The following GP1BB variants were observed in gnomAD, a reference collection of about 807,000 sequenced individuals.
GP1BB encodes glycoprotein Ib platelet subunit beta.
A neutral mutation model predicts 2.5 loss-of-function variants in GP1BB; 3 were observed. The observed-to-expected ratio is 1.22, with a 90% CI of 0.56 to 3.15. The LOEUF (loss-of-function observed/expected upper bound fraction) is 3.15. Ranked by LOEUF, GP1BB falls within the 30% of genes most tolerant of loss-of-function variation. The probability of loss-of-function intolerance (pLI) is 0.03; values close to 1 mark genes in which losing one functional copy is unlikely to be tolerated. For missense variants in GP1BB, 316 were observed against 307.0 expected (o/e 1.03, Z -0.22); for synonymous variants, 191 against 167.5 (o/e 1.14, Z -1.08).
chr22:19,724,049 C>T lies in GP1BB; in HGVS notation c.206C>T (p.Ala69Val). The change falls in exon 2 of 2, where the codon GCG (alanine) becomes GTG (valine). Residue 69 changes from alanine to valine, a missense_variant. By Grantham distance (64) the Ala-to-Val change is moderately conservative (BLOSUM62 0). Transcript: ENST00000366425. ...GTGCTGACCGGCAACAACCTGACGGCGCTGCCGCCGGGGCTGCTGGACGCG... is the reference window on the plus strand; with the variant it reads ...GTGCTGACCGGCAACAACCTGACGGTGCTGCCGCCGGGGCTGCTGGACGCG... Reference protein sequence around the residue: ...ELVLTGNNLTALPPGLLDALP... With the variant: ...ELVLTGNNLTVLPPGLLDALP... 1 of 1,514,382 alleles carries T rather than the reference C, an allele frequency of 6.6e-7. No individual in the cohort carries two copies. The highest frequency in any genetic ancestry group is 8.8e-7 in the Non-Finnish European group (1 of 1,137,352). The allele number at this position is 1,514,382 out of a possible 1,614,324, so 93.8% of individuals were successfully genotyped here.
At position 19,724,235 on chromosome 22, in the gene GP1BB, A is replaced by G. The variant is rs966245173; in HGVS notation, c.392A>G (p.Tyr131Cys). 4 of 1,234,928 alleles carry G rather than the reference A, an allele frequency of 3.2e-6. No homozygotes were observed. Among genetic ancestry groups the G allele is most frequent in the Admixed American group, 4.4e-5 (1 of 22,646 alleles). 76.5% of individuals were successfully genotyped at this position (1,234,928 alleles called of 1,614,324 possible). A position where few individuals can be genotyped will look rare whatever the true frequency, so the allele number is the denominator to read the frequency against. The change falls in exon 2 of 2, where the codon TAT (tyrosine) becomes TGT (cysteine). Residue 131 changes from tyrosine to cysteine, a missense_variant. Physicochemically the swap from Tyr to Cys is radical, Grantham distance 194. Transcript: ENST00000366425. Reference sequence around the variant, plus strand: ...GCGCTGCGCGGCCGCCTGCTGCCCTATCTGGCCGAGGACGAGCTGCGCGCC... The same window carrying G: ...GCGCTGCGCGGCCGCCTGCTGCCCTGTCTGGCCGAGGACGAGCTGCGCGCC... ...PPALRGRLLP[Y>C]LAEDELRAAC...
chr22:19,724,243 G>T lies in GP1BB; in HGVS notation c.400G>T (p.Glu134Ter). The change falls in exon 2 of 2, where the codon GAG becomes TAG. Residue 134 changes from glutamate to a stop codon, truncating the protein, a stop_gained. Transcript: ENST00000366425. LOFTEE classifies it low-confidence loss of function (END_TRUNC). ...CGGCCGCCTGCTGCCCTATCTGGCCGAGGACGAGCTGCGCGCCGCTTGCGC... is the reference window on the plus strand; with the variant it reads ...CGGCCGCCTGCTGCCCTATCTGGCCTAGGACGAGCTGCGCGCCGCTTGCGC... Reference protein sequence around the residue: ...LRGRLLPYLAEDELRAACAPG... With the variant: ...LRGRLLPYLA 1 of 1,240,862 alleles carries T rather than the reference G, an allele frequency of 8.1e-7. No individual in the cohort carries two copies. The allele number at this position is 1,240,862 out of a possible 1,614,324, so 76.9% of individuals were successfully genotyped here.
chr22:19,723,574 G>T lies in GP1BB; in HGVS notation c.5G>T (p.Gly2Val). ...CCGGGCTGCCGTCTTCTCGCCATGGGCTCCGGTGAGTCTGGAGTCCGGTCG... is the reference window on the plus strand; with the variant it reads ...CCGGGCTGCCGTCTTCTCGCCATGGTCTCCGGTGAGTCTGGAGTCCGGTCG... The part of the protein sequence containing the change: M[G>V]SGPRGALSLL... The change falls in exon 1 of 2, where the codon GGC (glycine) becomes GTC (valine). Residue 2 changes from glycine (G) to valine (V), a missense_variant. Coordinates refer to ENST00000366425, the MANE Select transcript of GP1BB (RefSeq NM_000407.5). 6.3e-7 allele frequency: 1 copy of T among 1,597,384 alleles called. No homozygotes were observed. Among genetic ancestry groups the T allele is most frequent in the African/African-American group, 1.3e-5 (1 of 74,932 alleles).
rs373634347 is a variant in GP1BB, at chr22:19,723,558, C to T, written c.-12C>T. On this transcript the variant is annotated 5_prime_UTR_variant, in exon 1 of 2. Transcript: ENST00000366425. ...CCCGCTGCAGAGTAAGCCGGGCTGC[C>T]GTCTTCTCGCCATGGGCTCCGGTGA... 43 of 1,593,728 alleles carry T rather than the reference C, an allele frequency of 2.7e-5. No homozygotes were observed. The highest frequency in any genetic ancestry group is 2.3e-5 in the East Asian group (1 of 44,346).
Position 19,724,683 on chromosome 22 carries a change from G to A in GP1BB, c.*219G>A, listed in dbSNP as rs937231633. On this transcript the variant is annotated 3_prime_UTR_variant, in exon 2 of 2. Coordinates refer to ENST00000366425, the MANE Select transcript of GP1BB (RefSeq NM_000407.5). Reference sequence around the variant, plus strand: ...GAGGGAGGCGAACCCGCACTTCCAGGCTTGGGAGGACCATGGGGCACAATG... The same window carrying A: ...GAGGGAGGCGAACCCGCACTTCCAGACTTGGGAGGACCATGGGGCACAATG... 3.4e-6 allele frequency: 2 copies of A among 590,056 alleles called. No individual in the cohort carries two copies. Among genetic ancestry groups the A allele is most frequent in the East Asian group, 5.8e-5 (2 of 34,382 alleles). 36.6% of individuals were successfully genotyped at this position (590,056 alleles called of 1,614,324 possible). A position where few individuals can be genotyped will look rare whatever the true frequency, so the allele number is the denominator to read the frequency against.
rs1601248909 is a variant in GP1BB at position 19,724,272 on chromosome 22, C to G, written c.429C>G (p.Pro143=). 5.5e-6 allele frequency: 7 copies of G among 1,268,176 alleles called. No homozygotes were observed. Among genetic ancestry groups the G allele is most frequent in the African/African-American group, 1.6e-5 (1 of 63,692 alleles). 78.6% of individuals were successfully genotyped at this position (1,268,176 alleles called of 1,614,324 possible). ...AEDELRAACA[P]GPLCWGALAA... is the part of the protein sequence containing the mutation. ...ACGAGCTGCGCGCCGCTTGCGCTCCCGGCCCGCTCTGCTGGGGGGCGCTGG... is the reference window on the plus strand; with the variant it reads ...ACGAGCTGCGCGCCGCTTGCGCTCCGGGCCCGCTCTGCTGGGGGGCGCTGG... Residue 143 remains proline (P), a synonymous_variant, in exon 2 of 2, where the codon CCC becomes CCG. Transcript: ENST00000366425.
chr22:19,724,556 C>A lies in GP1BB; in HGVS notation c.*92C>A, dbSNP rs1484087703. On this transcript the variant is annotated 3_prime_UTR_variant, in exon 2 of 2. Transcript: ENST00000366425. ...GACCCTGCCCGAGGGGCCCTCGCGC[C>A]AACCTGGACCGGTCCCCGCCTCCTC... is the stretch of plus-strand genomic sequence containing the variant. 5.5e-6 allele frequency: 5 copies of A among 905,732 alleles called. No homozygotes were observed. Among genetic ancestry groups the A allele is most frequent in the Non-Finnish European group, 8.8e-6 (5 of 565,332 alleles). The allele number at this position is 905,732 out of a possible 1,614,324, so 56.1% of individuals were successfully genotyped here.
In GP1BB at chr22:19,724,470, G is replaced by A. The variant is rs759017927; in HGVS notation, c.*6G>A. On this transcript the variant is annotated 3_prime_UTR_variant, in exon 2 of 2. Transcript: ENST00000366425. ...CCGGAACCGACGAGTCCTGAGGAGAGAACCGGTGCGTCCTGAGGAGAGAAC... is the reference window on the plus strand; with the variant it reads ...CCGGAACCGACGAGTCCTGAGGAGAAAACCGGTGCGTCCTGAGGAGAGAAC... 3.9e-6 allele frequency: 6 copies of A among 1,525,302 alleles called. 1 individual carries two copies. The South Asian group carries it at 4.8e-5, about 12-fold the overall frequency. 94.5% of individuals were successfully genotyped at this position (1,525,302 alleles called of 1,614,324 possible).
Position 19,724,253 on chromosome 22 carries a change from T to C in GP1BB, c.410T>C (p.Leu137Pro), listed in dbSNP as rs1601248889. The C allele has an allele frequency of 8.8e-6, 11 of 1,245,280 alleles. No homozygotes were observed. The highest frequency in any genetic ancestry group is 1.1e-5 in the Non-Finnish European group (11 of 998,796). The allele number at this position is 1,245,280 out of a possible 1,614,324, so 77.1% of individuals were successfully genotyped here. A position where few individuals can be genotyped will look rare whatever the true frequency, so the allele number is the denominator to read the frequency against. ...CTGCCCTATCTGGCCGAGGACGAGC[T>C]GCGCGCCGCTTGCGCTCCCGGCCCG... ...RLLPYLAEDE[L>P]RAACAPGPLC... The change falls in exon 2 of 2, where the codon CTG (leucine) becomes CCG (proline). Residue 137 changes from leucine (L) to proline (P), a missense_variant. By Grantham distance (98) the Leu-to-Pro change is moderately conservative. Transcript: ENST00000366425.
At position 19,724,616 on chromosome 22, in the gene GP1BB, G is replaced by T. The variant is rs1342700040; in HGVS notation, c.*152G>T. ...ATCTCTCAGACCCACCCCACCTGCAGGCCCAGACCACGTGGGACAGAACTC... is the reference window on the plus strand; with the variant it reads ...ATCTCTCAGACCCACCCCACCTGCATGCCCAGACCACGTGGGACAGAACTC... On this transcript the variant is annotated 3_prime_UTR_variant, in exon 2 of 2. Transcript: ENST00000366425. 3.0e-6 allele frequency: 2 copies of T among 673,186 alleles called. No homozygotes were observed. Among genetic ancestry groups the T allele is most frequent in the Admixed American group, 2.1e-5 (1 of 46,856 alleles). 41.7% of individuals were successfully genotyped at this position (673,186 alleles called of 1,614,324 possible). A position where few individuals can be genotyped will look rare whatever the true frequency, so the allele number is the denominator to read the frequency against.
chr22:19,724,560 C>G lies in GP1BB; in HGVS notation c.*96C>G. 2 of 878,466 alleles carry G rather than the reference C, an allele frequency of 2.3e-6. No homozygotes were observed. The highest frequency in any genetic ancestry group is 2.0e-5 in the Admixed American group (1 of 49,622). 54.4% of individuals were successfully genotyped at this position (878,466 alleles called of 1,614,324 possible). ...CTGCCCGAGGGGCCCTCGCGCCAAC[C>G]TGGACCGGTCCCCGCCTCCTCCGCT... On this transcript the variant is annotated 3_prime_UTR_variant, in exon 2 of 2. Coordinates refer to ENST00000366425, the MANE Select transcript of GP1BB (RefSeq NM_000407.5).
At chr22:19,723,810 G>C in intron 1 of GP1BB, 44 bp from the exon 2 acceptor site, 1 of 1,496,954 alleles carries the variant, frequency 6.7e-7, no homozygotes, top group African/African-American at 1.4e-5. Context: ...ATGTCGCCCA[G>C]GTGCCCGCCG....
rs1356221594 is a variant in GP1BB at position 19,723,584 on chromosome 22, G to C, written c.10+5G>C. On this transcript the variant is annotated splice_donor_5th_base_variant and intron_variant, in intron 1 of 1. Coordinates refer to ENST00000366425, the MANE Select transcript of GP1BB (RefSeq NM_000407.5). ...GTCTTCTCGCCATGGGCTCCGGTGAGTCTGGAGTCCGGTCGGGCCCCCGGC... is the reference window on the plus strand; with the variant it reads ...GTCTTCTCGCCATGGGCTCCGGTGACTCTGGAGTCCGGTCGGGCCCCCGGC... The C allele has an allele frequency of 8.1e-6, 13 of 1,597,728 alleles. No individual in the cohort carries two copies. Among genetic ancestry groups the C allele is most frequent in the Non-Finnish European group, 1.1e-5 (13 of 1,176,892 alleles).
At position 19,724,237 on chromosome 22, in the gene GP1BB, C is replaced by A; in HGVS notation, c.394C>A (p.Leu132Met). ...GCTGCGCGGCCGCCTGCTGCCCTAT[C>A]TGGCCGAGGACGAGCTGCGCGCCGC... Reference protein sequence around the residue: ...PALRGRLLPYLAEDELRAACA... With the variant: ...PALRGRLLPYMAEDELRAACA... Residue 132 changes from leucine (L) to methionine (M), a missense_variant, in exon 2 of 2, where the codon CTG (leucine) becomes ATG (methionine). Physicochemically the swap from Leu to Met is conservative, Grantham distance 15. Coordinates refer to ENST00000366425, the MANE Select transcript of GP1BB (RefSeq NM_000407.5). The A allele has an allele frequency of 8.1e-7, 1 of 1,236,024 alleles. No individual in the cohort carries two copies. Among genetic ancestry groups the A allele is most frequent in the Non-Finnish European group, 1.0e-6 (1 of 993,656 alleles). The allele number at this position is 1,236,024 out of a possible 1,614,324, so 76.6% of individuals were successfully genotyped here. A position where few individuals can be genotyped will look rare whatever the true frequency, so the allele number is the denominator to read the frequency against.
Position 19,724,385 on chromosome 22 carries a change from G to C in GP1BB, c.542G>C (p.Arg181Pro), listed in dbSNP as rs1352683688. 2 of 1,528,770 alleles carry C rather than the reference G, an allele frequency of 1.3e-6. No homozygotes were observed. The highest frequency in any genetic ancestry group is 2.0e-5 in the Admixed American group (1 of 49,244). 94.7% of individuals were successfully genotyped at this position (1,528,770 alleles called of 1,614,324 possible). The change falls in exon 2 of 2, where the codon CGG becomes CCG. Residue 181 changes from arginine (R) to proline (P), a missense_variant. Coordinates refer to ENST00000366425, the MANE Select transcript of GP1BB (RefSeq NM_000407.5). ...TGCCGCCTGCGGAGGCTGCGGGCCC[G>C]GGCCCGCGCTCGCGCCGCAGCCCGG... ...LLCRLRRLRA[R>P]ARARAAARLS...
At position 19,724,012 on chromosome 22, in the gene GP1BB, A is replaced by G; in HGVS notation, c.169A>G (p.Thr57Ala). 6.5e-7 allele frequency: 1 copy of G among 1,537,228 alleles called. No homozygotes were observed. The change falls in exon 2 of 2, where the codon ACA (threonine) becomes GCA (alanine). Residue 57 changes from threonine (T) to alanine (A), a missense_variant. Transcript: ENST00000366425. Reference sequence around the variant, plus strand: ...GCTGCCGACCGCCTTCCCTGTCGACACAACCGAGCTGGTGCTGACCGGCAA... The same window carrying G: ...GCTGCCGACCGCCTTCCCTGTCGACGCAACCGAGCTGGTGCTGACCGGCAA... The part of the protein sequence containing the change: ...ASLPTAFPVD[T>A]TELVLTGNNL...
rs1936113531 is a variant in GP1BB, at chr22:19,724,031, C to G, written c.188C>G (p.Thr63Ser). 2.6e-6 allele frequency: 4 copies of G among 1,526,576 alleles called. No homozygotes were observed. In the East Asian group the frequency reaches 1.0e-4, roughly 39 times the overall value. The allele number at this position is 1,526,576 out of a possible 1,614,324, so 94.6% of individuals were successfully genotyped here. A position where few individuals can be genotyped will look rare whatever the true frequency, so the allele number is the denominator to read the frequency against. ...GTCGACACAACCGAGCTGGTGCTGA[C>G]CGGCAACAACCTGACGGCGCTGCCG... Reference protein sequence around the residue: ...FPVDTTELVLTGNNLTALPPG... With the variant: ...FPVDTTELVLSGNNLTALPPG... The change falls in exon 2 of 2, where the codon ACC (threonine) becomes AGC (serine). Residue 63 changes from threonine to serine, a missense_variant. Coordinates refer to ENST00000366425, the MANE Select transcript of GP1BB (RefSeq NM_000407.5).
chr22:19,724,690 AGGACCATGG>A lies in GP1BB; in HGVS notation c.*229_*237del. The A allele has an allele frequency of 1.7e-6, 1 of 587,164 alleles. No individual in the cohort carries two copies. The highest frequency in any genetic ancestry group is 1.9e-5 in the African/African-American group (1 of 53,440). 36.4% of individuals were successfully genotyped at this position (587,164 alleles called of 1,614,324 possible). ...GCGAACCCGCACTTCCAGGCTTGGG[AGGACCATGG>A]GGCACAATGCGGTCCAGACCCTGCT... is the stretch of plus-strand genomic sequence containing the variant. On this transcript the variant is annotated 3_prime_UTR_variant, in exon 2 of 2. Transcript: ENST00000366425.
At position 19,723,993 on chromosome 22, in the gene GP1BB, G is replaced by A; in HGVS notation, c.150G>A (p.Pro50=). 5 of 1,535,338 alleles carry A rather than the reference G, an allele frequency of 3.3e-6. No individual in the cohort carries two copies. The highest frequency in any genetic ancestry group is 1.2e-5 in the South Asian group (1 of 83,438). The change falls in exon 2 of 2, where the codon CCG becomes CCA. Residue 50 remains proline, a synonymous_variant. Coordinates refer to ENST00000366425, the MANE Select transcript of GP1BB (RefSeq NM_000407.5). The part of the protein sequence containing the change: ...GRRGLTWASL[P]TAFPVDTTEL... ...GCGGGCTGACTTGGGCCTCGCTGCC[G>A]ACCGCCTTCCCTGTCGACACAACCG...
Sources: gnomAD v4.1 joint callset for allele counts on GRCh38, gnomAD v4.1.1 for gene constraint, MANE v1.5 for transcripts, NCBI Gene and HGNC (gene_info 2026-07-23, HGNC 2026-07-21) for gene names.